CNTNAP2: variants seen among roughly 807,000 people sequenced by gnomAD.
CNTNAP2 encodes contactin associated protein 2.
CNTNAP2 carries 98 observed loss-of-function variants against 155.2 expected under a neutral mutation model. That is an observed-to-expected ratio of 0.63 (90% CI 0.54 to 0.75). The LOEUF is 0.75. CNTNAP2 is among the 30% of genes least tolerant of loss of function. The pLI is 0.00. For synonymous variants in CNTNAP2, 651 were observed against 631.2 expected, an observed-to-expected ratio of 1.03 and a Z score of -0.47; for missense variants, 1,727 against 1,688.1, an observed-to-expected ratio of 1.02 and a Z score of -0.40.
At chr7:148,034,238 G>A (rs1050356316) in intron 15 of CNTNAP2, among the ~76,000 whole-genome samples, 2 of 152,128 alleles carry the variant, frequency 1.3e-5, no homozygotes, top group Admixed American at 1.3e-4. Context: ...GGTTATAAGA[G>A]GATAAAATTT....
intron 11 of CNTNAP2, among the ~76,000 whole-genome samples, chr7:147,559,804 T>C (rs963859125): frequency 1.3e-5 from 2 of 151,832 alleles, no homozygotes; most frequent in African/African-American, 4.8e-5. Flanking sequence ...TTTAGTTTAC[T>C]CTTAACTCCT....
chr7:146,138,688 G>T (rs922821964), intron 1 of CNTNAP2, among the ~76,000 whole-genome samples: 6 of 152,006 alleles, frequency 3.9e-5, no homozygotes, highest in African/African-American at 1.4e-4. Context: ...ACATATGTGT[G>T]TGTGTAGGCA....
At chr7:147,405,182 G>C (rs1357185038) in intron 10 of CNTNAP2, among the ~76,000 whole-genome samples, 4 of 152,090 alleles carry the variant, frequency 2.6e-5, no homozygotes, top group African/African-American at 9.7e-5. Flanking sequence ...TAGATAAATA[G>C]TTTTAACATG....
intron 1 of CNTNAP2, among the ~76,000 whole-genome samples, chr7:146,513,403 G>A (rs1359606864): frequency 1.3e-5 from 2 of 151,118 alleles, no homozygotes. Context: ...CTTCCGTTTG[G>A]GTTTAGTAAT....
intron 1 of CNTNAP2, among the ~76,000 whole-genome samples, chr7:146,645,947 C>T (rs1319259072): frequency 6.6e-6 from 1 of 152,060 alleles, no homozygotes; most frequent in Non-Finnish European, 1.5e-5. Context: ...TATATTTTAT[C>T]TAAAGATACT....
At chr7:148,002,765 A>G (rs1239884062) in intron 15 of CNTNAP2, among the ~76,000 whole-genome samples, 2 of 152,174 alleles carry the variant, frequency 1.3e-5, no homozygotes, top group Non-Finnish European at 2.9e-5. Flanking sequence ...TTTGGGGACC[A>G]GGAGTGGATC....
chr7:147,519,412 C>T (rs1799191602), intron 11 of CNTNAP2, among the ~76,000 whole-genome samples: 1 of 152,190 alleles, frequency 6.6e-6, no homozygotes, highest in South Asian at 2.1e-4. Context: ...AAAATAATCT[C>T]CTACCTCAAG....
Position 146,397,871 on chromosome 7 carries a change from C to CTTTTTTT in CNTNAP2, c.97+280902_97+280903insTTTTTTT, listed in dbSNP as rs1438446898. Among the ~76,000 whole-genome samples the CTTTTTTT allele has an allele frequency of 4.3e-4, 55 of 126,896 alleles. 1 individual carries two copies. Among genetic ancestry groups the CTTTTTTT allele is most frequent in the African/African-American group, 8.1e-4 (24 of 29,472 alleles). The allele number at this position is 126,896 out of a possible 152,430, so 83.2% of individuals were successfully genotyped here. A position where few individuals can be genotyped will look rare whatever the true frequency, so the allele number is the denominator to read the frequency against. On this transcript the variant is annotated intron_variant, in intron 1 of 23. Transcript: ENST00000361727. ...ATTTTGTATACCAAAATTTGACAGG[C>CTTTTTTT]TTTTATTTATTTATTTATTTTTGAC...
intron 1 of CNTNAP2, among the ~76,000 whole-genome samples, chr7:146,334,235 T>C (rs1244502309): frequency 1.3e-5 from 2 of 152,054 alleles, no homozygotes; most frequent in African/African-American, 4.8e-5. Flanking sequence ...ATCGAGACCA[T>C]CCTGGCTAAC....
chr7:146,463,093 T>C (rs1228720269), intron 1 of CNTNAP2, among the ~76,000 whole-genome samples: 1 of 151,754 alleles, frequency 6.6e-6, no homozygotes, highest in African/African-American at 2.4e-5. Context: ...TATTAGAGGA[T>C]AAATGGGAAG....
Position 147,142,024 on chromosome 7 carries a change from G to A in CNTNAP2, c.1348+9515G>A, listed in dbSNP as rs151333194. Among the ~76,000 whole-genome samples the A allele has an allele frequency of 1.3e-3, 205 of 152,270 alleles. 2 individuals are homozygous for A. Among genetic ancestry groups the A allele is most frequent in the African/African-American group, 4.5e-3 (188 of 41,556 alleles). On this transcript the variant is annotated intron_variant, in intron 8 of 23. Transcript: ENST00000361727. ...CACAATCATGTCATCTGCGAACAGT[G>A]ACAATTTGACTTCCTCTTTTCCTAA...
At chr7:147,819,660 A>G (rs1798332005) in intron 13 of CNTNAP2, among the ~76,000 whole-genome samples, 1 of 152,226 alleles carries the variant, frequency 6.6e-6, no homozygotes, top group African/African-American at 2.4e-5. Context: ...GAACATTTTC[A>G]TCAACCTAGA....
chr7:147,849,007 T>G (rs944606170), intron 13 of CNTNAP2, among the ~76,000 whole-genome samples: 1 of 152,154 alleles, frequency 6.6e-6, no homozygotes, highest in South Asian at 2.1e-4. Context: ...AGCTACGTAC[T>G]CTGAAAAGTA....
chr7:147,263,733 T>C (rs996283311), intron 8 of CNTNAP2, among the ~76,000 whole-genome samples: 1 of 152,188 alleles, frequency 6.6e-6, no homozygotes, highest in Non-Finnish European at 1.5e-5. Flanking sequence ...AGTATAGAAA[T>C]CATATGTAGA....
At position 147,263,428 on chromosome 7, in the gene CNTNAP2, G is replaced by T. The variant is rs553096859; in HGVS notation, c.1349-36713G>T. ...TAGGGATTATCTGGGAGTCTGCAAG[G>T]TCTTCTAAAAGGTGATATTTTAAAT... On this transcript the variant is annotated intron_variant, in intron 8 of 23. Transcript: ENST00000361727. Among the ~76,000 whole-genome samples the T allele has an allele frequency of 1.7e-4, 26 of 151,910 alleles. No homozygotes were observed. The South Asian group carries it at 4.6e-3, about 27-fold the overall frequency.
At chr7:146,377,209 A>G (rs1245411542) in intron 1 of CNTNAP2, among the ~76,000 whole-genome samples, 1 of 152,178 alleles carries the variant, frequency 6.6e-6, no homozygotes, top group Admixed American at 6.5e-5. Context: ...GCCAAATTCA[A>G]CACAGAGCAA....
At chr7:147,502,717 A>ATGTGTG (rs60449695) in intron 11 of CNTNAP2, among the ~76,000 whole-genome samples, 1 of 147,850 alleles carries the variant, frequency 6.8e-6, no homozygotes, top group African/African-American at 2.5e-5. Context: ...TCATTTCACA[A>ATGTGTG]TGTGTGTGTG....
chr7:146,449,178 C>T lies in CNTNAP2; in HGVS notation c.98-325093C>T, dbSNP rs139739091. ...TCAGTTCTAAGATTTTCATTTGGTT[C>T]TTCTTTATATCTTCTATTTCTTTGT... is the stretch of plus-strand genomic sequence containing the variant. On this transcript the variant is annotated intron_variant, in intron 1 of 23. Transcript: ENST00000361727. 2.3e-3 allele frequency among the ~76,000 whole-genome samples: 343 copies of T among 151,864 alleles called. 2 individuals are homozygous for T. Among genetic ancestry groups the T allele is most frequent in the African/African-American group, 7.8e-3 (323 of 41,444 alleles).
Position 146,830,929 on chromosome 7 carries a change from G to A in CNTNAP2, c.209-8782G>A, listed in dbSNP as rs189468499. Reference sequence around the variant, plus strand: ...CCATTAATCAACGTATTTGGGGCACGATAACTAGCCATTTTTTAATCTACC... The same window carrying A: ...CCATTAATCAACGTATTTGGGGCACAATAACTAGCCATTTTTTAATCTACC... On this transcript the variant is annotated intron_variant, in intron 2 of 23. Transcript: ENST00000361727. Among the ~76,000 whole-genome samples the A allele has an allele frequency of 1.6e-3, 243 of 152,234 alleles. 1 individual carries two copies. The highest frequency in any genetic ancestry group is 5.2e-3 in the African/African-American group (216 of 41,534).
Sources: allele counts gnomAD v4.1 joint callset (sites outside exome capture counted in the v4.1 genomes callset), GRCh38; gene constraint gnomAD v4.1.1; transcripts MANE v1.5; gene names NCBI Gene and HGNC (gene_info 2026-07-23, HGNC 2026-07-21).